Variants in MPST observed in about 807,000 individuals in gnomAD.
MPST encodes the protein mercaptopyruvate sulfurtransferase, also known as 3-mercaptopyruvate sulfurtransferase.
MPST carries 27 observed loss-of-function variants against 28.5 expected under a neutral mutation model. That is an observed-to-expected ratio of 0.95 (90% confidence interval 0.70 to 1.31). The LOEUF (loss-of-function observed/expected upper bound fraction) is 1.31. MPST is among the 50% of genes most tolerant of loss of function. MPST has a pLI of 0.00. For synonymous variants in MPST, 204 were observed against 209.3 expected (o/e 0.97, Z 0.22); for missense variants, 492 against 471.1 (o/e 1.04, Z -0.41).
chr22:37,029,507 C>T lies in MPST; in HGVS notation c.947C>T (p.Thr316Ile), dbSNP rs754628642. The T allele has an allele frequency of 3.7e-6, 6 of 1,601,684 alleles. No homozygotes were observed. The highest frequency in any genetic ancestry group is 5.1e-6 in the Non-Finnish European group (6 of 1,172,900). ...EDVISEGRGK[T>I]H ...GTCATCTCAGAGGGCCGGGGGAAGA[C>T]CCACTGAAGCTGGGCAGGACACAGG... The change falls in exon 3 of 3, where the codon ACC becomes ATC. Residue 316 changes from threonine to isoleucine, a missense_variant. By Grantham distance (89) the Thr-to-Ile change is moderately conservative. Coordinates refer to ENST00000429360, the MANE Select transcript of MPST (RefSeq NM_021126.8).
In MPST at chr22:37,024,630, A is replaced by T. The variant is rs763911615; in HGVS notation, c.475A>T (p.Asn159Tyr). ...DGGLRHWLRQ[N>Y]LPLSSGKSQP... Reference sequence around the variant, plus strand: ...CGGCCTCCGCCACTGGCTGCGCCAGAACCTCCCGCTCAGCTCCGGCAAGAG... The same window carrying T: ...CGGCCTCCGCCACTGGCTGCGCCAGTACCTCCCGCTCAGCTCCGGCAAGAG... The change falls in exon 2 of 3, where the codon AAC becomes TAC. Residue 159 changes from asparagine (N) to tyrosine (Y), a missense_variant. Physicochemically the swap from Asn to Tyr is moderately radical, Grantham distance 143. Coordinates refer to ENST00000429360, the MANE Select transcript of MPST (RefSeq NM_021126.8). 5.0e-6 allele frequency: 8 copies of T among 1,593,828 alleles called. No individual in the cohort carries two copies. Among genetic ancestry groups the T allele is most frequent in the Non-Finnish European group, 6.8e-6 (8 of 1,175,642 alleles).
At position 37,024,201 on chromosome 22, in the gene MPST, C is replaced by G; in HGVS notation, c.46C>G (p.Pro16Ala). 7.2e-7 allele frequency: 1 copy of G among 1,380,266 alleles called. No homozygotes were observed. Among genetic ancestry groups the G allele is most frequent in the Non-Finnish European group, 9.3e-7 (1 of 1,075,154 alleles). The allele number at this position is 1,380,266 out of a possible 1,614,324, so 85.5% of individuals were successfully genotyped here. A position where few individuals can be genotyped will look rare whatever the true frequency, so the allele number is the denominator to read the frequency against. ...CCTCCCTGTCGCCCAGGCCCGCAGC[C>G]CGAGTGTCGCCGCCATGGCTTCGCC... ...SRESETRARS[P>A]SVAAMASPQL... The change falls in exon 2 of 3, where the codon CCG becomes GCG. Residue 16 changes from proline to alanine, a missense_variant. By Grantham distance (27) the Pro-to-Ala change is conservative. Coordinates refer to ENST00000429360, the MANE Select transcript of MPST (RefSeq NM_021126.8).
At position 37,024,432 on chromosome 22, in the gene MPST, G is replaced by A; in HGVS notation, c.277G>A (p.Asp93Asn). Residue 93 changes from aspartate to asparagine, a missense_variant, in exon 2 of 3, where the codon GAC becomes AAC. Asp to Asn is a conservative substitution (Grantham distance 23). Coordinates refer to ENST00000429360, the MANE Select transcript of MPST (RefSeq NM_021126.8). ...GTGCAGCGACCGCACCTCGCCCTAC[G>A]ACCACATGCTGCCCGGGGCCGAGCA... ...DQCSDRTSPY[D>N]HMLPGAEHFA... 2 of 1,544,194 alleles carry A rather than the reference G, an allele frequency of 1.3e-6. No homozygotes were observed. The highest frequency in any genetic ancestry group is 1.8e-6 in the Non-Finnish European group (2 of 1,142,664).
At chr22:37,028,844 A>C in intron 2 of MPST, 1 of 188,662 alleles carries the variant, frequency 5.3e-6, no homozygotes, top group Non-Finnish European at 1.1e-5. Flanking sequence ...CTGCCCTGCC[A>C]GATTAAAGCT....
rs1439977073 is a variant in MPST, at chr22:37,029,773, T to C, written c.*259T>C. The C allele has an allele frequency of 1.8e-6, 1 of 545,878 alleles. No homozygotes were observed. The highest frequency in any genetic ancestry group is 1.9e-5 in the African/African-American group (1 of 52,912). 33.8% of individuals were successfully genotyped at this position (545,878 alleles called of 1,614,324 possible). A position where few individuals can be genotyped will look rare whatever the true frequency, so the allele number is the denominator to read the frequency against. Reference sequence around the variant, plus strand: ...GGTGCTGAGCTGGGGCCCCGCCTCCTTTCTGTTTTATTTTTGAGGAAATAA... The same window carrying C: ...GGTGCTGAGCTGGGGCCCCGCCTCCCTTCTGTTTTATTTTTGAGGAAATAA... On this transcript the variant is annotated 3_prime_UTR_variant, in exon 3 of 3. Transcript: ENST00000429360.
intron 1 of MPST, 25 bp downstream of exon 1, chr22:37,019,897 G>A: frequency 8.4e-7 from 1 of 1,187,604 alleles, no homozygotes. Context: ...GTGGCGGCTT[G>A]CCTTTCTGGA....
Position 37,029,622 on chromosome 22 carries a change from G to T in MPST, c.*108G>T. On this transcript the variant is annotated 3_prime_UTR_variant, in exon 3 of 3. Transcript: ENST00000429360. ...AGAGAGTGTTTCTTCACTCAACTCA[G>T]GTGGCATTTGGGGTGACATCTCAAA... 3 of 1,193,000 alleles carry T rather than the reference G, an allele frequency of 2.5e-6. No homozygotes were observed. The highest frequency in any genetic ancestry group is 3.5e-6 in the Non-Finnish European group (3 of 864,076). 73.9% of individuals were successfully genotyped at this position (1,193,000 alleles called of 1,614,324 possible).
chr22:37,025,292 G>T lies in MPST; in HGVS notation c.655+482G>T, dbSNP rs1923439896. ...TCAATCCAACACTAGAGGTGTGGGGGGTCACTGTGGAATGTTGGGGGGCAG... is the reference window on the plus strand; with the variant it reads ...TCAATCCAACACTAGAGGTGTGGGGTGTCACTGTGGAATGTTGGGGGGCAG... On this transcript the variant is annotated intron_variant, in intron 2 of 2. Coordinates refer to ENST00000429360, the MANE Select transcript of MPST (RefSeq NM_021126.8). 10 of 585,966 alleles carry T rather than the reference G, an allele frequency of 1.7e-5. No individual in the cohort carries two copies. In the South Asian group the frequency reaches 2.0e-4, roughly 12 times the overall value. 36.3% of individuals were successfully genotyped at this position (585,966 alleles called of 1,614,324 possible).
At chr22:37,027,724 C>G (rs1387816176) in intron 2 of MPST, 1 of 152,398 alleles carries the variant, frequency 6.6e-6, no homozygotes, top group Non-Finnish European at 1.5e-5. Flanking sequence ...GCTTTCGTGA[C>G]AATGACCTTT....
At chr22:37,029,153 A>G in intron 2 of MPST, 63 bp from the exon 3 acceptor site, 1 of 1,480,630 alleles carries the variant, frequency 6.8e-7, no homozygotes, top group Non-Finnish European at 9.2e-7. Flanking sequence ...GAGCACCACA[A>G]ATACGAGGTA....
chr22:37,023,855 C>G (rs151093236), intron 1 of MPST: 1 of 1,414,068 alleles, frequency 7.1e-7, no homozygotes, highest in Non-Finnish European at 9.3e-7. Context: ...GACTTTGCCC[C>G]TGTTTGTGCC....
chr22:37,026,023 G>C (rs1203892573), intron 2 of MPST: 3 of 152,222 alleles, frequency 2.0e-5, no homozygotes, highest in African/African-American at 7.2e-5. Flanking sequence ...AGCAATGTTG[G>C]TGTTACCGGA....
At chr22:37,023,523 C>T (rs987007283) in intron 1 of MPST, 1 of 154,256 alleles carries the variant, frequency 6.5e-6, no homozygotes, top group Non-Finnish European at 1.4e-5. Context: ...CTGGGCCTCC[C>T]AAAGTGCTGG....
Position 37,029,244 on chromosome 22 carries a change from C to G in MPST, c.684C>G (p.Thr228=). Residue 228 remains threonine, a synonymous_variant, in exon 3 of 3, where the codon ACC becomes ACG. Coordinates refer to ENST00000429360, the MANE Select transcript of MPST (RefSeq NM_021126.8). ...TTGAACCTGGCCACATCCCAGGTACCGTGAACATCCCCTTCACAGACTTCC... is the reference window on the plus strand; with the variant it reads ...TTGAACCTGGCCACATCCCAGGTACGGTGAACATCCCCTTCACAGACTTCC... The part of the protein sequence containing the change: ...DGIEPGHIPG[T]VNIPFTDFLS... 1.9e-6 allele frequency: 3 copies of G among 1,614,086 alleles called. No individual in the cohort carries two copies. Among genetic ancestry groups the G allele is most frequent in the African/African-American group, 1.3e-5 (1 of 75,046 alleles).
At chr22:37,023,890 A>G in intron 1 of MPST, 1 of 1,491,316 alleles carries the variant, frequency 6.7e-7, no homozygotes, top group East Asian at 2.9e-5. Context: ...GCCTTGCCCT[A>G]GGATACCTCC....
In MPST at chr22:37,024,676, T is replaced by C. The variant is rs1404517044; in HGVS notation, c.521T>C (p.Phe174Ser). ...SGKSQPAPAEFRAQLDPAFIK... is the reference protein window; with the variant it reads ...SGKSQPAPAESRAQLDPAFIK... ...AAGAGCCAACCTGCTCCCGCCGAGT[T>C]CCGCGCTCAGCTCGACCCCGCCTTC... The change falls in exon 2 of 3, where the codon TTC becomes TCC. Residue 174 changes from phenylalanine to serine, a missense_variant. Phe to Ser is a radical substitution (Grantham distance 155). Coordinates refer to ENST00000429360, the MANE Select transcript of MPST (RefSeq NM_021126.8). 1.3e-6 allele frequency: 2 copies of C among 1,599,288 alleles called. No individual in the cohort carries two copies. The highest frequency in any genetic ancestry group is 2.2e-5 in the East Asian group (1 of 44,844).
intron 1 of MPST, 55 bp from the exon 2 acceptor site, chr22:37,024,137 A>G (rs2145915911): frequency 1.5e-6 from 2 of 1,353,790 alleles, no homozygotes; most frequent in Non-Finnish European, 1.9e-6. Context: ...CCCCAGCCCT[A>G]GCCCCAACAG....
intron 2 of MPST, chr22:37,025,051 A>G (rs750870491): frequency 6.6e-7 from 1 of 1,506,442 alleles, no homozygotes. Context: ...ATCATGGCTC[A>G]CTGCAGCCTC....
At chr22:37,025,016 G>T (rs562495783) in intron 2 of MPST, 16 of 1,484,150 alleles carry the variant, frequency 1.1e-5, no homozygotes, top group African/African-American at 1.4e-5. Flanking sequence ...TGGCTCTACC[G>T]CCCAGGCTGG....
Sources: gnomAD v4.1 joint callset for allele counts on GRCh38, gnomAD v4.1.1 for gene constraint, MANE v1.5 for transcripts, NCBI Gene and HGNC (gene_info 2026-07-23, HGNC 2026-07-21) for gene names.